SLCO1A2: variants seen among roughly 807,000 people sequenced by gnomAD.
SLCO1A2 encodes solute carrier organic anion transporter family member 1A2.
A neutral mutation model predicts 69.0 loss-of-function variants in SLCO1A2; 67 were observed. The ratio of observed to expected loss-of-function variants is 0.97; its 90% CI spans 0.80 to 1.19. SLCO1A2 has a LOEUF of 1.19. Ranked by LOEUF, SLCO1A2 falls within the 50% of genes most tolerant of loss-of-function variation. The pLI, the probability that SLCO1A2 is intolerant of heterozygous loss-of-function variation, is 0.00. For synonymous variants in SLCO1A2, 260 were observed against 265.9 expected, an observed-to-expected ratio of 0.98 and a Z score of 0.22; for missense variants, 787 against 793.7, an observed-to-expected ratio of 0.99 and a Z score of 0.10.
chr12:21,361,474 C>T (rs1271027064), intron 2 of SLCO1A2, among the ~76,000 whole-genome samples: 1 of 152,166 alleles, frequency 6.6e-6, no homozygotes, highest in Non-Finnish European at 1.5e-5. Context: ...AAAATTAGCG[C>T]ACCTCTTCTC....
intron 2 of SLCO1A2, among the ~76,000 whole-genome samples, chr12:21,359,650 G>C (rs1938659775): frequency 6.6e-6 from 1 of 152,022 alleles, no homozygotes; most frequent in Non-Finnish European, 1.5e-5. Context: ...GGGAGGCTGA[G>C]GCAGGAGAAT....
intron 14 of SLCO1A2, among the ~76,000 whole-genome samples, chr12:21,273,740 G>A (rs1178935258): frequency 6.6e-6 from 1 of 152,152 alleles, no homozygotes; most frequent in African/African-American, 2.4e-5. Flanking sequence ...GGGAATAGAT[G>A]CAGAGATGAA....
upstream of SLCO1A2, among the ~76,000 whole-genome samples, chr12:21,337,935 A>T (rs1952944733): frequency 6.6e-6 from 1 of 151,976 alleles, no homozygotes; most frequent in Non-Finnish European, 1.5e-5. Flanking sequence ...TCACCATGCA[A>T]AGCAAAGACT....
At chr12:21,372,954 T>G (rs1200328579) in intron 2 of SLCO1A2, 1 of 237,406 alleles carries the variant, frequency 4.2e-6, no homozygotes, top group East Asian at 1.2e-4. Flanking sequence ...CTTGAAGCTT[T>G]CTTTCTATCA....
chr12:21,300,621 GAACT>G, intron 7 of SLCO1A2, 52 bp from the exon 8 acceptor site: 1 of 1,311,144 alleles, frequency 7.6e-7, no homozygotes. Context: ...TTTTCTGTAT[GAACT>G]ATAGAAAATT....
At chr12:21,288,801 A>G (rs879656591) in intron 12 of SLCO1A2, among the ~76,000 whole-genome samples, 46 of 152,008 alleles carry the variant, frequency 3.0e-4, no homozygotes, top group Non-Finnish European at 5.6e-4. Context: ...CCTACTATAT[A>G]CCCATAAAAA....
intron 2 of SLCO1A2, 90 bp downstream of exon 2, chr12:21,334,498 C>A: frequency 1.1e-6 from 1 of 896,866 alleles, no homozygotes; most frequent in Non-Finnish European, 1.8e-6. Flanking sequence ...TATTAGATCA[C>A]TTCATGCAGA....
upstream of SLCO1A2, among the ~76,000 whole-genome samples, chr12:21,400,355 ATCAT>A: frequency 6.6e-6 from 1 of 152,114 alleles, no homozygotes; most frequent in Middle Eastern, 3.4e-3. Flanking sequence ...TAGAATGGCA[ATCAT>A]TAAAAAGTCA....
At chr12:21,311,742 A>G (rs12367829) in intron 4 of SLCO1A2, 13,713 of 146,630 alleles carry the variant, frequency 0.094, 874 homozygotes, top group Non-Finnish European at 0.13. Context: ...CCTGACCAAC[A>G]TGGTGAAACT....
chr12:21,274,862 G>A, intron 13 of SLCO1A2: 1 of 949,558 alleles, frequency 1.1e-6, no homozygotes, highest in African/African-American at 1.7e-5. Flanking sequence ...TAAATGTTTT[G>A]GGCCAGTTAT....
At chr12:21,392,185 C>A (rs1777074628) in intron 1 of SLCO1A2, among the ~76,000 whole-genome samples, 1 of 152,184 alleles carries the variant, frequency 6.6e-6, no homozygotes, top group Admixed American at 6.5e-5. Context: ...TAATCACATA[C>A]AATTTCTCCC....
intron 2 of SLCO1A2, among the ~76,000 whole-genome samples, chr12:21,343,386 T>C (rs1953137549): frequency 1.3e-5 from 2 of 152,144 alleles, no homozygotes; most frequent in African/African-American, 4.8e-5. Flanking sequence ...GATCAATAAA[T>C]GTTTGTTCTT....
Position 21,334,634 on chromosome 12 carries a change from TCA to T in SLCO1A2, c.12_13del (p.Arg7AsnfsTer2). 1 of 1,610,378 alleles carries T rather than the reference TCA, an allele frequency of 6.2e-7. No individual in the cohort carries two copies. The highest frequency in any genetic ancestry group is 8.5e-7 in the Non-Finnish European group (1 of 1,177,922). On this transcript the variant is annotated frameshift_variant, in exon 2 of 15. Transcript: ENST00000683939. LOFTEE classifies it high-confidence loss of function. ...TATTCTATGGGTTTCAATTCTTTTC[TCA>T]GTTTCTCCCATGTTGCTCTTCAGGG...
intron 2 of SLCO1A2, among the ~76,000 whole-genome samples, chr12:21,343,423 T>G (rs911673054): frequency 2.0e-5 from 3 of 152,122 alleles, no homozygotes; most frequent in African/African-American, 7.2e-5. Flanking sequence ...TGGCTCTTCA[T>G]GTACAAAATT....
rs138517568 is a variant in SLCO1A2, at chr12:21,269,480, T to C, written c.*68A>G. 16 of 1,213,028 alleles carry C rather than the reference T, an allele frequency of 1.3e-5. No individual in the cohort carries two copies. The Admixed American group carries it at 3.3e-4, about 25-fold the overall frequency. 75.1% of individuals were successfully genotyped at this position (1,213,028 alleles called of 1,614,324 possible). ...AAAAAGTTATCTATTATATCTCTAC[T>C]GATTTTTAAAACAATTAAGTTGTAC... On this transcript the variant is annotated 3_prime_UTR_variant, in exon 15 of 15. Coordinates refer to ENST00000683939, the MANE Select transcript of SLCO1A2 (RefSeq NM_001386879.1).
At position 21,301,235 on chromosome 12, in the gene SLCO1A2, C is replaced by G. The variant is rs1185287641; in HGVS notation, c.624G>C (p.Leu208Phe). 1 of 1,612,400 alleles carries G rather than the reference C, an allele frequency of 6.2e-7. No individual in the cohort carries two copies. The highest frequency in any genetic ancestry group is 8.5e-7 in the Non-Finnish European group (1 of 1,179,344). The change falls in exon 7 of 15, where the codon TTG (leucine) becomes TTC (phenylalanine). Residue 208 changes from leucine to phenylalanine, a missense_variant. Physicochemically the swap from Leu to Phe is conservative, Grantham distance 22. Coordinates refer to ENST00000683939, the MANE Select transcript of SLCO1A2 (RefSeq NM_001386879.1). ...LVETGAIIGP[L>F]IGLLLASFCA... is the part of the protein sequence containing the mutation. ...AGAATGATGCCAACAAAAGTCCAAT[C>G]AAAGGACCAATAATAGCTCCTGTTT... is the stretch of plus-strand genomic sequence containing the variant.
chr12:21,413,957 A>G (rs1043046155), intron 1 of SLCO1A2, among the ~76,000 whole-genome samples: 1 of 152,186 alleles, frequency 6.6e-6, no homozygotes, highest in African/African-American at 2.4e-5. Context: ...CACTGGACTT[A>G]GCAAGCTTTT....
intron 2 of SLCO1A2, among the ~76,000 whole-genome samples, chr12:21,328,421 G>A (rs1952398240): frequency 6.6e-6 from 1 of 152,042 alleles, no homozygotes; most frequent in Non-Finnish European, 1.5e-5. Context: ...AGAAGGGGAG[G>A]GAGTCACCTA....
At chr12:21,286,841 C>A (rs977222847) in intron 12 of SLCO1A2, among the ~76,000 whole-genome samples, 5 of 146,730 alleles carry the variant, frequency 3.4e-5, no homozygotes, top group Non-Finnish European at 7.5e-5. Flanking sequence ...CTTCCTTACA[C>A]CTTATACAAA....
Sources: allele counts gnomAD v4.1 joint callset (sites outside exome capture counted in the v4.1 genomes callset), GRCh38; gene constraint gnomAD v4.1.1; transcripts MANE v1.5; gene names NCBI Gene and HGNC (gene_info 2026-07-23, HGNC 2026-07-21).